The following IFI44L variants were observed in gnomAD, a reference collection of about 807,000 sequenced individuals.
IFI44L encodes interferon induced protein 44 like.
Under a neutral mutation model 39.3 loss-of-function variants are expected in IFI44L, and 40 were observed. The ratio of observed to expected loss-of-function variants is 1.02; its 90% CI spans 0.79 to 1.33. The LOEUF is 1.33. Ranked by LOEUF, IFI44L falls within the 40% of genes most tolerant of loss-of-function variation. The pLI is 0.00. For missense variants in IFI44L, 623 were observed against 549.0 expected (o/e 1.13, Z -1.35); for synonymous variants, 198 against 182.3 (o/e 1.09, Z -0.69).
rs1161724801 is a variant in IFI44L at position 78,637,044 on chromosome 1, A to G, written c.889A>G (p.Lys297Glu). ...MPDRYQFNSR[K>E]PITPEHSTFI... ...GTTTTTATAACAGTTTAATTCCCGT[A>G]AACCAATTACACCTGAGCATTCTAC... Residue 297 changes from lysine (K) to glutamate (E), a missense_variant, in exon 6 of 9, where the codon AAA (lysine) becomes GAA (glutamate). Lys to Glu is a moderately conservative substitution (Grantham distance 56). Coordinates refer to ENST00000370751, the MANE Select transcript of IFI44L (RefSeq NM_006820.4). 3.7e-6 allele frequency: 6 copies of G among 1,610,410 alleles called. No individual in the cohort carries two copies. Among genetic ancestry groups the G allele is most frequent in the Non-Finnish European group, 5.1e-6 (6 of 1,177,364 alleles).
At chr1:78,627,000 G>A (rs1164136899) in intron 1 of IFI44L, 2 of 151,936 alleles carry the variant, frequency 1.3e-5, no homozygotes, top group East Asian at 3.9e-4. Flanking sequence ...AGGTTTCCAA[G>A]GTGCTCTCCT....
chr1:78,646,012 G>A lies in IFI44L; in HGVS notation c.*4203G>A, dbSNP rs1647044955. On this transcript the variant is annotated 3_prime_UTR_variant, in exon 9 of 9. Coordinates refer to ENST00000370751, the MANE Select transcript of IFI44L (RefSeq NM_006820.4). ...TGAGGGCACAGGGGTGGAGGTGGGG[G>A]GGTTGAATAACAAGCTGTGCTAAAT... The A allele has an allele frequency of 6.6e-6, 1 of 152,158 alleles. No individual in the cohort carries two copies. Among genetic ancestry groups the A allele is most frequent in the South Asian group, 2.1e-4 (1 of 4,810 alleles). 9.4% of individuals were successfully genotyped at this position (152,158 alleles called of 1,614,324 possible).
At position 78,628,273 on chromosome 1, in the gene IFI44L, G is replaced by T; in HGVS notation, c.358G>T (p.Asp120Tyr). ...EQLVCRLSKT[D>Y]IFIICRDNKI... is the part of the protein sequence containing the mutation. ...ACTGGTGTGTCGTTTATCGAAAACG[G>T]ATATTTTCATTATATGTCGAGATAA... The change falls in exon 2 of 9, where the codon GAT becomes TAT. Residue 120 changes from aspartate (D) to tyrosine (Y), a missense_variant. Asp to Tyr is a radical substitution (Grantham distance 160, BLOSUM62 -3). Transcript: ENST00000370751. The T allele has an allele frequency of 6.2e-7, 1 of 1,608,752 alleles. No individual in the cohort carries two copies. The highest frequency in any genetic ancestry group is 8.5e-7 in the Non-Finnish European group (1 of 1,176,312).
intron 4 of IFI44L, among the ~76,000 whole-genome samples, chr1:78,634,441 A>G (rs936085186): frequency 6.6e-6 from 1 of 152,168 alleles, no homozygotes; most frequent in Non-Finnish European, 1.5e-5. Context: ...AGAAAAAACA[A>G]AGAAACAAAC....
intron 4 of IFI44L, among the ~76,000 whole-genome samples, chr1:78,632,771 C>A (rs1297977746): frequency 1.3e-5 from 2 of 152,026 alleles, no homozygotes; most frequent in African/African-American, 4.8e-5. Flanking sequence ...TGAATTGGAG[C>A]CACATATGAG....
intron 4 of IFI44L, 143 bp downstream of exon 4, chr1:78,630,058 C>T (rs1304876572): frequency 1.2e-5 from 9 of 778,870 alleles, no homozygotes; most frequent in Non-Finnish European, 2.0e-5. Flanking sequence ...TTGATCAGAA[C>T]CACCTCCATT....
In IFI44L at chr1:78,641,858, C is replaced by G. The variant is rs371180489; in HGVS notation, c.*49C>G. 2.5e-5 allele frequency: 40 copies of G among 1,578,960 alleles called. No homozygotes were observed. The highest frequency in any genetic ancestry group is 3.4e-5 in the Non-Finnish European group (39 of 1,148,296). On this transcript the variant is annotated 3_prime_UTR_variant, in exon 9 of 9. Transcript: ENST00000370751. ...TTTGGCCCAGCCTGTACTGGTGTGC[C>G]GCAATGAGAGTCAATCTCTATTGAC...
chr1:78,632,727 C>T (rs1322363044), intron 4 of IFI44L, among the ~76,000 whole-genome samples: 1 of 152,112 alleles, frequency 6.6e-6, no homozygotes, highest in Non-Finnish European at 1.5e-5. Context: ...ATATTTTCTT[C>T]ACATACTTCA....
rs761212218 is a variant in IFI44L at position 78,635,314 on chromosome 1, C to T, written c.724-23C>T. 4 of 1,524,902 alleles carry T rather than the reference C, an allele frequency of 2.6e-6. No individual in the cohort carries two copies. In the South Asian group the frequency reaches 4.6e-5, roughly 17 times the overall value. The allele number at this position is 1,524,902 out of a possible 1,614,324, so 94.5% of individuals were successfully genotyped here. A position where few individuals can be genotyped will look rare whatever the true frequency, so the allele number is the denominator to read the frequency against. ...ATGCTGGGTGATGAATGAACCTTTA[C>T]ACTTAATGTATTTTTTTAACAGTAT... is the stretch of plus-strand genomic sequence containing the variant. On this transcript the variant is annotated intron_variant, in intron 4 of 8. Coordinates refer to ENST00000370751, the MANE Select transcript of IFI44L (RefSeq NM_006820.4).
At position 78,643,158 on chromosome 1, in the gene IFI44L, C is replaced by CTTTTTTTTTTTTTTTTTTTTTTTTTT. The variant is rs1303490900; in HGVS notation, c.*1351_*1352insTTTTTTTTTTTTTTTTTTTTTTTTTT. The stretch of plus-strand genomic sequence containing the variant: ...ATAGATATTAAGAAAGCAAGAGTTT[C>CTTTTTTTTTTTTTTTTTTTTTTTTTT]TTATGTCCAGTTATGGAATATTTCC... On this transcript the variant is annotated 3_prime_UTR_variant, in exon 9 of 9. Coordinates refer to ENST00000370751, the MANE Select transcript of IFI44L (RefSeq NM_006820.4). 4 of 151,516 alleles carry CTTTTTTTTTTTTTTTTTTTTTTTTTT rather than the reference C, an allele frequency of 2.6e-5. No individual in the cohort carries two copies. The highest frequency in any genetic ancestry group is 5.9e-5 in the Non-Finnish European group (4 of 67,852). The allele number at this position is 151,516 out of a possible 1,614,324, so 9.4% of individuals were successfully genotyped here.
At position 78,638,231 on chromosome 1, in the gene IFI44L, A is replaced by G. The variant is rs1015297669; in HGVS notation, c.1048+1028A>G. On this transcript the variant is annotated intron_variant, in intron 6 of 8. Coordinates refer to ENST00000370751, the MANE Select transcript of IFI44L (RefSeq NM_006820.4). Reference sequence around the variant, plus strand: ...TCATGTGCTTATTTGCCTTCTGTATAGCTTGTTTAGTGAAATGCCTCTTCA... The same window carrying G: ...TCATGTGCTTATTTGCCTTCTGTATGGCTTGTTTAGTGAAATGCCTCTTCA... 7.2e-5 allele frequency among the ~76,000 whole-genome samples: 11 copies of G among 152,120 alleles called. 1 individual carries two copies. The highest frequency in any genetic ancestry group is 2.0e-4 in the Admixed American group (3 of 15,252).
intron 4 of IFI44L, among the ~76,000 whole-genome samples, chr1:78,630,931 T>C (rs80079339): frequency 0.019 from 2,828 of 152,256 alleles, 93 homozygotes; most frequent in African/African-American, 0.064. Context: ...TATTCAGACA[T>C]AGAGACCTAA....
At chr1:78,633,291 T>C (rs967326956) in intron 4 of IFI44L, among the ~76,000 whole-genome samples, 2 of 152,156 alleles carry the variant, frequency 1.3e-5, no homozygotes, top group Admixed American at 1.3e-4. Context: ...TAGAACCTCA[T>C]GGCCCCAGAC....
rs1647016890 is a variant in IFI44L, at chr1:78,643,896, T to C, written c.*2087T>C. The C allele has an allele frequency of 2.0e-5, 3 of 152,176 alleles. No individual in the cohort carries two copies. Among genetic ancestry groups the C allele is most frequent in the Admixed American group, 2.0e-4 (3 of 15,262 alleles). 9.4% of individuals were successfully genotyped at this position (152,176 alleles called of 1,614,324 possible). ...AGGAAAGGAGCTAACAGTCATGCTG[T>C]AAGTAGCTACAGGGAATTGGCTTAA... On this transcript the variant is annotated 3_prime_UTR_variant, in exon 9 of 9. Transcript: ENST00000370751.
At chr1:78,631,856 C>T (rs907261255) in intron 4 of IFI44L, among the ~76,000 whole-genome samples, 32 of 151,994 alleles carry the variant, frequency 2.1e-4, no homozygotes, top group African/African-American at 7.5e-4. Flanking sequence ...TACCTGTTGG[C>T]ACATTAGTAT....
At chr1:78,635,268 C>G (rs1652902289) in intron 4 of IFI44L, 69 bp from the exon 5 acceptor site, 12 of 1,267,838 alleles carry the variant, frequency 9.5e-6, no homozygotes, top group Non-Finnish European at 1.2e-5. Context: ...AATCTCTTTT[C>G]TTCTTATTGT....
In IFI44L at chr1:78,628,831, A is replaced by G. The variant is rs1045834017; in HGVS notation, c.479-120A>G. 6 of 659,352 alleles carry G rather than the reference A, an allele frequency of 9.1e-6. No homozygotes were observed. The African/African-American group carries it at 1.1e-4, about 12-fold the overall frequency. The allele number at this position is 659,352 out of a possible 1,614,324, so 40.8% of individuals were successfully genotyped here. On this transcript the variant is annotated intron_variant, in intron 2 of 8. Transcript: ENST00000370751. Reference sequence around the variant, plus strand: ...CTCATGTTGCCAACTCTGACTCCTAACTGAGCAGCTCAGCCCTGGGTTATG... The same window carrying G: ...CTCATGTTGCCAACTCTGACTCCTAGCTGAGCAGCTCAGCCCTGGGTTATG...
chr1:78,628,615 G>C, intron 2 of IFI44L: 2 of 534,792 alleles, frequency 3.7e-6, no homozygotes, highest in South Asian at 5.3e-5. Flanking sequence ...AGAAATATAT[G>C]TGCAGAGATA....
intron 5 of IFI44L, chr1:78,636,648 T>C (rs528490410): frequency 2.4e-4 from 39 of 162,768 alleles, no homozygotes; most frequent in African/African-American, 8.3e-4. Flanking sequence ...TTTTATTCTC[T>C]CTATCCAGTT....
Sources: allele counts gnomAD v4.1 joint callset (sites outside exome capture counted in the v4.1 genomes callset), GRCh38; gene constraint gnomAD v4.1.1; transcripts MANE v1.5; gene names NCBI Gene and HGNC (gene_info 2026-07-23, HGNC 2026-07-21).